SOX5: variants seen among roughly 807,000 people sequenced by gnomAD.
SOX5 encodes the protein SRY-box transcription factor 5, also known as transcription factor SOX-5.
In SOX5, 9 loss-of-function variants were observed where a neutral mutation model predicts 92.0. That is an observed-to-expected ratio of 0.10 (90% CI 0.06 to 0.17). The LOEUF (loss-of-function observed/expected upper bound fraction) is 0.17, where lower values mean the gene tolerates loss of function less well. SOX5 is among the 10% of genes least tolerant of loss of function. The pLI, the probability that SOX5 is intolerant of heterozygous loss-of-function variation, is 1.00. For missense variants in SOX5, 642 were observed against 944.5 expected (o/e 0.68, Z 4.20); for synonymous variants, 344 against 336.3 (o/e 1.02, Z -0.25).
chr12:24,230,727 G>A (rs1487450835), intron 3 of SOX5: 1 of 152,144 alleles, frequency 6.6e-6, no homozygotes, highest in Non-Finnish European at 1.5e-5. Context: ...CACCGTCCCA[G>A]GAGTAACATA....
At chr12:24,067,892 C>T (rs1258053875) in intron 4 of SOX5, among the ~76,000 whole-genome samples, 1 of 152,344 alleles carries the variant, frequency 6.6e-6, no homozygotes, top group East Asian at 1.9e-4. Flanking sequence ...CGCCTGTAAT[C>T]CCAGCACTAT....
chr12:23,591,034 A>G (rs556763844), intron 9 of SOX5, among the ~76,000 whole-genome samples: 3 of 152,096 alleles, frequency 2.0e-5, no homozygotes, highest in East Asian at 1.9e-4. Context: ...TTGAAAAAAT[A>G]TTTTTTAAAA....
chr12:24,033,513 T>G (rs1002498706), intron 4 of SOX5, among the ~76,000 whole-genome samples: 1 of 152,040 alleles, frequency 6.6e-6, no homozygotes, highest in Non-Finnish European at 1.5e-5. Flanking sequence ...AGTTACAATT[T>G]TCTGCAGCAT....
chr12:23,896,833 G>T (rs1171254859), intron 1 of SOX5, among the ~76,000 whole-genome samples: 1 of 151,118 alleles, frequency 6.6e-6, no homozygotes, highest in Non-Finnish European at 1.5e-5. Flanking sequence ...TTAAATAAAA[G>T]AAAAAAACCC....
chr12:24,249,559 T>C (rs1248186617), intron 3 of SOX5, among the ~76,000 whole-genome samples: 1 of 152,182 alleles, frequency 6.6e-6, no homozygotes, highest in Non-Finnish European at 1.5e-5. Flanking sequence ...TATTGACAGT[T>C]GACAACAACT....
intron 4 of SOX5, among the ~76,000 whole-genome samples, chr12:23,956,163 G>C (rs1246614740): frequency 6.6e-6 from 1 of 152,144 alleles, no homozygotes; most frequent in African/African-American, 2.4e-5. Flanking sequence ...TCCTTTGCTT[G>C]TATACTAAGT....
chr12:24,542,933 G>C (rs961155895), intron 1 of SOX5, among the ~76,000 whole-genome samples: 1 of 152,192 alleles, frequency 6.6e-6, no homozygotes, highest in Non-Finnish European at 1.5e-5. Context: ...GCTTACCCAA[G>C]AAGATAATGA....
intron 1 of SOX5, among the ~76,000 whole-genome samples, chr12:23,916,077 C>T (rs1420238494): frequency 6.6e-6 from 1 of 152,100 alleles, no homozygotes; most frequent in Non-Finnish European, 1.5e-5. Flanking sequence ...ATCAAGCTAA[C>T]ACAAGAAATA....
At chr12:24,507,492 A>G (rs901226706) in intron 1 of SOX5, among the ~76,000 whole-genome samples, 8 of 152,146 alleles carry the variant, frequency 5.3e-5, no homozygotes, top group African/African-American at 1.9e-4. Flanking sequence ...TGACATTAAT[A>G]AAAGAGGAGA....
chr12:23,604,620 TG>T (rs1388331977), intron 8 of SOX5, 87 bp from the exon 9 acceptor site: 1 of 1,332,918 alleles, frequency 7.5e-7, no homozygotes, highest in Non-Finnish European at 1.0e-6. Flanking sequence ...TATTCAGATA[TG>T]GTATTTTTCC....
intron 8 of SOX5, among the ~76,000 whole-genome samples, chr12:23,640,197 G>A (rs137967289): frequency 6.6e-6 from 1 of 152,152 alleles, no homozygotes; most frequent in East Asian, 1.9e-4. Flanking sequence ...CAGAGACAAA[G>A]CTTCTCAAAT....
At chr12:24,140,395 G>A (rs1950480674) in intron 4 of SOX5, among the ~76,000 whole-genome samples, 1 of 152,244 alleles carries the variant, frequency 6.6e-6, no homozygotes, top group Non-Finnish European at 1.5e-5. Flanking sequence ...AATTAAGGGT[G>A]TAAATTTTTA....
chr12:23,800,264 A>T (rs1406115721), intron 3 of SOX5, among the ~76,000 whole-genome samples: 2 of 152,224 alleles, frequency 1.3e-5, no homozygotes, highest in Non-Finnish European at 2.9e-5. Context: ...CACAAAAATA[A>T]ATTAACAAAA....
chr12:23,622,603 G>A (rs986284525), intron 8 of SOX5, among the ~76,000 whole-genome samples: 1 of 152,000 alleles, frequency 6.6e-6, no homozygotes, highest in African/African-American at 2.4e-5. Context: ...TATTTTTCCA[G>A]TAGCATTTTA....
chr12:23,650,521 T>C lies in SOX5; in HGVS notation c.932-9624A>G, dbSNP rs75489378. On this transcript the variant is annotated intron_variant, in intron 7 of 14. Coordinates refer to ENST00000451604, the MANE Select transcript of SOX5 (RefSeq NM_006940.6). ...GACAAAATGAAGTTAGTAAGGACAC[T>C]GTAGATGGAACTTTGGAAGAAAACT... is the stretch of plus-strand genomic sequence containing the variant. Among the ~76,000 whole-genome samples, 32 of 152,272 alleles carry C rather than the reference T, an allele frequency of 2.1e-4. No individual in the cohort carries two copies. In the East Asian group the frequency reaches 6.2e-3, roughly 29 times the overall value.
intron 1 of SOX5, among the ~76,000 whole-genome samples, chr12:24,410,016 T>A (rs201152916): frequency 2.1e-5 from 3 of 145,138 alleles, no homozygotes; most frequent in Admixed American, 6.9e-5. Flanking sequence ...TTTTTTTTTT[T>A]AAACAGGGTC....
chr12:24,098,824 G>T (rs944466556), intron 4 of SOX5, among the ~76,000 whole-genome samples: 9 of 152,192 alleles, frequency 5.9e-5, no homozygotes, highest in African/African-American at 2.2e-4. Context: ...CCACCAGAAG[G>T]AAAGCTCTGA....
At chr12:24,434,656 T>G (rs1939052323) in intron 1 of SOX5, among the ~76,000 whole-genome samples, 1 of 152,170 alleles carries the variant, frequency 6.6e-6, no homozygotes, top group Non-Finnish European at 1.5e-5. Context: ...GTCATCATGA[T>G]AGTGAGCTGT....
chr12:23,976,798 G>GT (rs1212584211), intron 4 of SOX5, among the ~76,000 whole-genome samples: 4 of 151,546 alleles, frequency 2.6e-5, no homozygotes, highest in Admixed American at 2.0e-4. Flanking sequence ...CTCGCGACTT[G>GT]TTTTTTTCTG....
Sources: gnomAD v4.1 joint callset for allele counts (sites outside exome capture counted in the v4.1 genomes callset) on GRCh38, gnomAD v4.1.1 for gene constraint, MANE v1.5 for transcripts, NCBI Gene and HGNC (gene_info 2026-07-23, HGNC 2026-07-21) for gene names.